The following PTPRQ variants were observed in gnomAD, a reference collection of about 807,000 sequenced individuals.
PTPRQ encodes protein tyrosine phosphatase receptor type Q, also known as phosphatidylinositol phosphatase PTPRQ.
In PTPRQ, 199 loss-of-function variants were observed where a neutral mutation model predicts 246.0. The ratio of observed to expected loss-of-function variants is 0.81; its 90% confidence interval spans 0.72 to 0.91. The LOEUF (loss-of-function observed/expected upper bound fraction) is 0.91. Ranked by LOEUF, PTPRQ falls within the 40% of genes least tolerant of loss-of-function variation. The probability of loss-of-function intolerance (pLI) is 0.00; values close to 1 mark genes in which losing one functional copy is unlikely to be tolerated. For missense variants in PTPRQ, 2,624 were observed against 2,528.4 expected, an observed-to-expected ratio of 1.04 and a Z score of -0.81; for synonymous variants, 869 against 853.2, an observed-to-expected ratio of 1.02 and a Z score of -0.32.
intron 26 of PTPRQ, among the ~76,000 whole-genome samples, chr12:80,598,440 C>A (rs1898040315): frequency 6.6e-6 from 1 of 151,892 alleles, no homozygotes; most frequent in African/African-American, 2.4e-5. Flanking sequence ...TAAGATGAAT[C>A]CAATTGCAGA....
chr12:80,574,917 G>A (rs1361587959), intron 25 of PTPRQ, among the ~76,000 whole-genome samples: 1 of 152,108 alleles, frequency 6.6e-6, no homozygotes, highest in East Asian at 1.9e-4. Context: ...CCCAAACTTT[G>A]GATCTAACTC....
intron 26 of PTPRQ, among the ~76,000 whole-genome samples, chr12:80,595,674 C>G (rs1312283267): frequency 2.0e-5 from 3 of 151,574 alleles, no homozygotes; most frequent in African/African-American, 7.3e-5. Flanking sequence ...ATTAACTCAT[C>G]ATTTAGCATT....
intron 9 of PTPRQ, among the ~76,000 whole-genome samples, chr12:80,485,791 A>G (rs1048228643): frequency 6.6e-6 from 1 of 152,104 alleles, no homozygotes; most frequent in Non-Finnish European, 1.5e-5. Flanking sequence ...TCCTAGTACT[A>G]GATGACAGGT....
intron 24 of PTPRQ, among the ~76,000 whole-genome samples, chr12:80,547,671 G>A (rs1296063695): frequency 2.0e-5 from 3 of 152,078 alleles, no homozygotes; most frequent in African/African-American, 7.2e-5. Context: ...TATAATCTTG[G>A]CAAAGGCTCA....
intron 7 of PTPRQ, 60 bp from the exon 8 acceptor site, chr12:80,472,045 T>C (rs887658009): frequency 6.5e-7 from 1 of 1,540,512 alleles, no homozygotes; most frequent in South Asian, 1.2e-5. Flanking sequence ...TGTACTTAAA[T>C]GTGAACATGA....
intron 9 of PTPRQ, among the ~76,000 whole-genome samples, chr12:80,491,157 T>A (rs186532752): frequency 6.6e-6 from 1 of 151,986 alleles, no homozygotes. Flanking sequence ...TGATGGGATG[T>A]TATGCTTTAA....
chr12:80,466,828 C>T (rs1158637211), intron 6 of PTPRQ, among the ~76,000 whole-genome samples: 2 of 152,104 alleles, frequency 1.3e-5, no homozygotes, highest in Non-Finnish European at 2.9e-5. Context: ...AACTGGATCC[C>T]TTCCTTATAC....
At chr12:80,630,951 G>T (rs181271024) in intron 33 of PTPRQ, among the ~76,000 whole-genome samples, 1 of 152,094 alleles carries the variant, frequency 6.6e-6, no homozygotes, top group Non-Finnish European at 1.5e-5. Flanking sequence ...CCTAACCTTG[G>T]GATCTGCCTG....
In PTPRQ at chr12:80,579,985, C is replaced by T. The variant is rs538170720; in HGVS notation, c.4286-8144C>T. Among the ~76,000 whole-genome samples, 3 of 152,150 alleles carry T rather than the reference C, an allele frequency of 2.0e-5. No individual in the cohort carries two copies. The South Asian group carries it at 6.2e-4, about 32-fold the overall frequency. On this transcript the variant is annotated intron_variant, in intron 25 of 44. Coordinates refer to ENST00000644991, the MANE Select transcript of PTPRQ (RefSeq NM_001145026.2). ...ATAAAAATATATAGTCATAAATAAA[C>T]AATTTAAACTTGGTCATCCAACTTA...
chr12:80,507,395 G>T (rs546720746), intron 16 of PTPRQ, among the ~76,000 whole-genome samples: 15 of 151,758 alleles, frequency 9.9e-5, no homozygotes, highest in African/African-American at 3.6e-4. Context: ...TCCAAGAAGG[G>T]TAGGCCTGGA....
At chr12:80,473,291 T>C (rs914910005) in intron 8 of PTPRQ, among the ~76,000 whole-genome samples, 3 of 152,210 alleles carry the variant, frequency 2.0e-5, no homozygotes, top group Non-Finnish European at 2.9e-5. Context: ...AATGTTCTTT[T>C]TTTGTATTAA....
chr12:80,557,093 C>T lies in PTPRQ; in HGVS notation c.4285+7359C>T, dbSNP rs1896667381. Among the ~76,000 whole-genome samples the T allele has an allele frequency of 2.6e-5, 4 of 152,226 alleles. 1 individual carries two copies. The South Asian group carries it at 8.3e-4, about 32-fold the overall frequency. On this transcript the variant is annotated intron_variant, in intron 25 of 44. Transcript: ENST00000644991. ...ATTTTCCTGAACACTGCAGAAATCTCTTTAGATGGAGGATTTGTTCATTAC... is the reference window on the plus strand; with the variant it reads ...ATTTTCCTGAACACTGCAGAAATCTTTTTAGATGGAGGATTTGTTCATTAC...
chr12:80,632,264 T>A lies in PTPRQ; in HGVS notation c.5759T>A (p.Leu1920His). Residue 1920 changes from leucine (L) to histidine (H), a missense_variant, in exon 34 of 45, where the codon CTT becomes CAT. Physicochemically the swap from Leu to His is moderately conservative, Grantham distance 99. Transcript: ENST00000644991. ...TTGTGTATCCTTTCAATAATTCTCCTTGGAACAGCTATTTTTGCATTTGCA... is the reference window on the plus strand; with the variant it reads ...TTGTGTATCCTTTCAATAATTCTCCATGGAACAGCTATTTTTGCATTTGCA... ...VTLCILSIIL[L>H]GTAIFAFARI... 6.4e-7 allele frequency: 1 copy of A among 1,551,378 alleles called. No individual in the cohort carries two copies. Among genetic ancestry groups the A allele is most frequent in the Non-Finnish European group, 8.7e-7 (1 of 1,146,858 alleles).
chr12:80,590,458 G>C (rs982715587), intron 26 of PTPRQ, among the ~76,000 whole-genome samples: 5 of 151,910 alleles, frequency 3.3e-5, no homozygotes, highest in African/African-American at 9.7e-5. Context: ...ACGAGGTCAG[G>C]AGATCGAGAC....
At chr12:80,660,634 G>T (rs1379632711) in intron 39 of PTPRQ, among the ~76,000 whole-genome samples, 1 of 152,008 alleles carries the variant, frequency 6.6e-6, no homozygotes, top group Non-Finnish European at 1.5e-5. Context: ...TCAGATGCCT[G>T]CAATTACTTT....
At chr12:80,657,746 A>G (rs1216803748) in intron 38 of PTPRQ, among the ~76,000 whole-genome samples, 2 of 151,898 alleles carry the variant, frequency 1.3e-5, no homozygotes, top group African/African-American at 4.8e-5. Context: ...TTTGTAGCTA[A>G]AGAAAATTAG....
intron 6 of PTPRQ, among the ~76,000 whole-genome samples, chr12:80,462,261 G>T (rs181228480): frequency 6.6e-6 from 1 of 152,374 alleles, no homozygotes; most frequent in East Asian, 1.9e-4. Flanking sequence ...CTGCCTGATT[G>T]CTAGCACAGC....
Position 80,534,228 on chromosome 12 carries a change from A to C in PTPRQ, c.2839+53A>C. ...AGAATGTTCTTTTTCTTTAAAAAAA[A>C]AATCCTGCCCAGAAAAATATTCAAA... On this transcript the variant is annotated intron_variant, in intron 18 of 44. Coordinates refer to ENST00000644991, the MANE Select transcript of PTPRQ (RefSeq NM_001145026.2). 9 of 1,411,480 alleles carry C rather than the reference A, an allele frequency of 6.4e-6. No individual in the cohort carries two copies. The South Asian group carries it at 1.5e-4, about 23-fold the overall frequency. 87.4% of individuals were successfully genotyped at this position (1,411,480 alleles called of 1,614,324 possible). A position where few individuals can be genotyped will look rare whatever the true frequency, so the allele number is the denominator to read the frequency against.
intron 17 of PTPRQ, among the ~76,000 whole-genome samples, chr12:80,514,791 A>T (rs952997042): frequency 6.8e-6 from 1 of 146,384 alleles, no homozygotes; most frequent in East Asian, 2.0e-4. Context: ...TGTTATATAT[A>T]TTTTTTCTTA....
Sources: gnomAD v4.1 joint callset for allele counts (sites outside exome capture counted in the v4.1 genomes callset) on GRCh38, gnomAD v4.1.1 for gene constraint, MANE v1.5 for transcripts, NCBI Gene and HGNC (gene_info 2026-07-23, HGNC 2026-07-21) for gene names.